Variants in MARCHF10 observed in about 807,000 individuals in gnomAD.
MARCHF10 encodes probable E3 ubiquitin-protein ligase MARCHF10.
A neutral mutation model predicts 76.2 loss-of-function variants in MARCHF10; 64 were observed. The observed-to-expected ratio is 0.84, with a 90% CI of 0.69 to 1.03. MARCHF10 has a LOEUF of 1.03. MARCHF10 is among the 50% of genes least tolerant of loss of function. MARCHF10 has a pLI of 0.00. For missense variants in MARCHF10, 875 were observed against 958.0 expected, an observed-to-expected ratio of 0.91 and a Z score of 1.14; for synonymous variants, 340 against 357.5, an observed-to-expected ratio of 0.95 and a Z score of 0.55.
chr17:62,717,666 CT>C (rs1401807817), intron 8 of MARCHF10, among the ~76,000 whole-genome samples: 2 of 152,214 alleles, frequency 1.3e-5, no homozygotes, highest in Non-Finnish European at 2.9e-5. Flanking sequence ...CTGTCTTCTC[CT>C]GAAGGCCACA....
rs115463253 is a variant in MARCHF10, at chr17:62,737,199, C to T, written c.669G>A (p.Pro223=). 3,475 of 1,613,982 alleles carry T rather than the reference C, an allele frequency of 2.2e-3. 78 individuals carry two copies. The African/African-American group carries it at 0.041, about 19-fold the overall frequency. Residue 223 remains proline (P), a synonymous_variant, in exon 6 of 11, where the codon CCG becomes CCA. Coordinates refer to ENST00000311269, the MANE Select transcript of MARCHF10 (RefSeq NM_152598.4). ...NAPDRAKKGD[P]SAPSQSELHP... ...GCAGCTCACTCTGGGAAGGAGCACT[C>T]GGGTCTCCTTTTTTGGCTCTATCAG... is the stretch of plus-strand genomic sequence containing the variant.
At chr17:62,805,715 C>T (rs181564136) in intron 1 of MARCHF10, among the ~76,000 whole-genome samples, 160 of 152,176 alleles carry the variant, frequency 1.1e-3, no homozygotes, top group African/African-American at 3.2e-3. Context: ...AGTTCGAGAT[C>T]GGCCTGGCCA....
chr17:62,742,434 C>A (rs781296895), intron 5 of MARCHF10, among the ~76,000 whole-genome samples: 1 of 152,162 alleles, frequency 6.6e-6, no homozygotes, highest in Non-Finnish European at 1.5e-5. Context: ...AATTCAAATA[C>A]CTGGCTCCTA....
chr17:62,803,513 T>C (rs888638450), intron 1 of MARCHF10, among the ~76,000 whole-genome samples: 8 of 151,848 alleles, frequency 5.3e-5, no homozygotes, highest in African/African-American at 1.7e-4. Flanking sequence ...GAGGGGATCA[T>C]AGCTACTCTT....
chr17:62,765,598 A>G (rs1010990951), intron 3 of MARCHF10, among the ~76,000 whole-genome samples: 11 of 152,164 alleles, frequency 7.2e-5, no homozygotes, highest in South Asian at 6.2e-4. Context: ...TCTGAAGGAG[A>G]GGCATGTGGG....
At chr17:62,805,428 G>A (rs9903162) in intron 1 of MARCHF10, among the ~76,000 whole-genome samples, 87,736 of 151,944 alleles carry the variant, frequency 0.58, 25,314 homozygotes, top group East Asian at 0.64. Flanking sequence ...GGTCACTAAA[G>A]GGGAGCATCC....
chr17:62,773,054 GT>G (rs1234286748), intron 3 of MARCHF10, among the ~76,000 whole-genome samples: 1 of 152,174 alleles, frequency 6.6e-6, no homozygotes, highest in Non-Finnish European at 1.5e-5. Flanking sequence ...GATCTAGGGA[GT>G]TCACCATGCG....
intron 4 of MARCHF10, among the ~76,000 whole-genome samples, chr17:62,745,546 A>G (rs2091673857): frequency 1.3e-5 from 2 of 152,220 alleles, no homozygotes; most frequent in South Asian, 4.1e-4. Flanking sequence ...CATATTTTGT[A>G]TAATACCTGC....
intron 3 of MARCHF10, among the ~76,000 whole-genome samples, chr17:62,772,481 C>G (rs1353264776): frequency 6.6e-6 from 1 of 152,106 alleles, no homozygotes; most frequent in Non-Finnish European, 1.5e-5. Flanking sequence ...AAAGGAAGGG[C>G]CACACTGGGA....
intron 6 of MARCHF10, among the ~76,000 whole-genome samples, chr17:62,730,962 C>T (rs1179826574): frequency 6.6e-6 from 1 of 152,034 alleles, no homozygotes; most frequent in Non-Finnish European, 1.5e-5. Context: ...AATCATAGAG[C>T]TAAAAGTTGG....
intron 2 of MARCHF10, chr17:62,795,130 G>T (rs1003923935): frequency 3.4e-6 from 3 of 876,820 alleles, no homozygotes; most frequent in Non-Finnish European, 4.1e-6. Context: ...CTTGCCACCC[G>T]CTATAAAGTC....
In MARCHF10 at chr17:62,769,674, A is replaced by G. The variant is rs142959673; in HGVS notation, c.211-9668T>C. On this transcript the variant is annotated intron_variant, in intron 3 of 10. Transcript: ENST00000311269. ...AGTGATCTCCCCACCTCGGCCTCCC[A>G]AAGTGCTGGGATTGTAGGCGTCAGC... 9.3e-4 allele frequency among the ~76,000 whole-genome samples: 141 copies of G among 152,304 alleles called. 1 individual carries two copies. The highest frequency in any genetic ancestry group is 3.3e-3 in the African/African-American group (138 of 41,560).
intron 6 of MARCHF10, among the ~76,000 whole-genome samples, chr17:62,729,895 A>G (rs1298998113): frequency 2.0e-5 from 3 of 152,212 alleles, no homozygotes; most frequent in African/African-American, 2.4e-5. Context: ...TTAAAAAACC[A>G]TAAATCAGCC....
At chr17:62,764,307 A>C (rs1361115639) in intron 3 of MARCHF10, among the ~76,000 whole-genome samples, 1 of 152,120 alleles carries the variant, frequency 6.6e-6, no homozygotes, top group Non-Finnish European at 1.5e-5. Context: ...CTGATATGCC[A>C]TTTCTGTCCC....
At position 62,724,990 on chromosome 17, in the gene MARCHF10, C is replaced by T; in HGVS notation, c.2052G>A (p.Gln684=). The T allele has an allele frequency of 6.2e-7, 1 of 1,611,924 alleles. No homozygotes were observed. Among genetic ancestry groups the T allele is most frequent in the South Asian group, 1.1e-5 (1 of 90,384 alleles). The part of the protein sequence containing the change: ...LEPCGCVGSL[Q]FVHQECLKKW... ...TTTTCAGGCACTCTTGATGAACAAACTGCAGGCTTCCCACACAGCCGCAAG... is the reference window on the plus strand; with the variant it reads ...TTTTCAGGCACTCTTGATGAACAAATTGCAGGCTTCCCACACAGCCGCAAG... The change falls in exon 7 of 11, where the codon CAG becomes CAA. Residue 684 remains glutamine, a synonymous_variant. Coordinates refer to ENST00000311269, the MANE Select transcript of MARCHF10 (RefSeq NM_152598.4).
chr17:62,701,793 C>CGCA (rs1313333659), intron 10 of MARCHF10, 35 bp from the exon 11 acceptor site: 1 of 1,613,260 alleles, frequency 6.2e-7, no homozygotes, highest in Non-Finnish European at 8.5e-7. Flanking sequence ...GCTGGAGGGC[C>CGCA]GCAGCAGACC....
At chr17:62,779,964 G>T (rs1321914555) in intron 3 of MARCHF10, among the ~76,000 whole-genome samples, 1 of 152,234 alleles carries the variant, frequency 6.6e-6, no homozygotes, top group Non-Finnish European at 1.5e-5. Context: ...GGGCGTGGTG[G>T]CGGGTGCCAG....
Position 62,738,060 on chromosome 17 carries a change from T to TCA in MARCHF10, c.536-730_536-729dup, listed in dbSNP as rs55902229. The TCA allele has an allele frequency of 0.061, 7,740 of 127,186 alleles. 271 individuals are homozygous for TCA. Among genetic ancestry groups the TCA allele is most frequent in the Middle Eastern group, 0.11 (29 of 268 alleles). The allele number at this position is 127,186 out of a possible 1,614,324, so 7.9% of individuals were successfully genotyped here. ...AACTGTCTCTCTCTGTCTCTCTCTGTCACACACACACACACACACACACAC... is the reference window on the plus strand; with the variant it reads ...AACTGTCTCTCTCTGTCTCTCTCTGTCACACACACACACACACACACACACAC... On this transcript the variant is annotated intron_variant, in intron 5 of 10. Coordinates refer to ENST00000311269, the MANE Select transcript of MARCHF10 (RefSeq NM_152598.4). This position sits in a 1 kb window ranked among gnomAD's most constrained non-coding sequence, Gnocchi z 4.0.
intron 9 of MARCHF10, among the ~76,000 whole-genome samples, chr17:62,709,510 CGAG>C (rs960718354): frequency 2.0e-5 from 3 of 151,842 alleles, no homozygotes; most frequent in Admixed American, 6.6e-5. Flanking sequence ...ACAAAAAAAA[CGAG>C]GCATCCATCA....
Sources: gnomAD v4.1 joint callset for allele counts (sites outside exome capture counted in the v4.1 genomes callset) on GRCh38, gnomAD v4.1.1 for gene constraint, Gnocchi (gnomAD v3.1) non-coding constraint, MANE v1.5 for transcripts, NCBI Gene and HGNC (gene_info 2026-07-23, HGNC 2026-07-21) for gene names.